Variants in SLC29A4 observed in about 807,000 individuals in gnomAD.
The protein encoded by SLC29A4 is solute carrier family 29 member 4, also known as equilibrative nucleoside transporter 4.
A neutral mutation model predicts 43.9 loss-of-function variants in SLC29A4; 36 were observed. The observed-to-expected ratio is 0.82, with a 90% CI of 0.63 to 1.08. The LOEUF (loss-of-function observed/expected upper bound fraction) is 1.08. SLC29A4 is among the 50% of genes least tolerant of loss of function. The pLI is 0.00. For missense variants in SLC29A4, 869 were observed against 755.3 expected (o/e 1.15, Z -1.77); for synonymous variants, 491 against 338.0 (o/e 1.45, Z -4.97).
chr7:5,284,507 C>G (rs1420179229), intron 1 of SLC29A4, among the ~76,000 whole-genome samples: 1 of 152,224 alleles, frequency 6.6e-6, no homozygotes, highest in Non-Finnish European at 1.5e-5. Context: ...CAAGGGGTCA[C>G]GGCAGCGCAG....
chr7:5,302,180 A>G (rs778517398), intron 10 of SLC29A4, among the ~76,000 whole-genome samples: 7 of 151,974 alleles, frequency 4.6e-5, no homozygotes, highest in Non-Finnish European at 1.0e-4. Context: ...CGAACTCCTA[A>G]CCTCAGGTGA....
intron 7 of SLC29A4, among the ~76,000 whole-genome samples, chr7:5,298,163 G>A (rs1371366504): frequency 2.6e-5 from 4 of 152,194 alleles, no homozygotes; most frequent in Non-Finnish European, 4.4e-5. Context: ...GCCCTTGGCT[G>A]GGGACGCTGA....
Position 5,292,403 on chromosome 7 carries a change from C to T in SLC29A4, c.544+582C>T, listed in dbSNP as rs554304215. Among the ~76,000 whole-genome samples, 30 of 152,262 alleles carry T rather than the reference C, an allele frequency of 2.0e-4. No individual in the cohort carries two copies. The East Asian group carries it at 3.3e-3, about 17-fold the overall frequency. On this transcript the variant is annotated intron_variant, in intron 5 of 10. Transcript: ENST00000396872. ...TGCTGGTATTACAGGCATGAGCCATCGTGCCTGGCCTTTCAAACTTTTTTT... is the reference window on the plus strand; with the variant it reads ...TGCTGGTATTACAGGCATGAGCCATTGTGCCTGGCCTTTCAAACTTTTTTT...
chr7:5,291,024 C>T (rs1785269704), intron 3 of SLC29A4, 100 bp from the exon 4 acceptor site: 51 of 1,537,214 alleles, frequency 3.3e-5, no homozygotes, highest in Non-Finnish European at 4.5e-5. Flanking sequence ...GCCACTCACC[C>T]TCTGTGGGCA....
chr7:5,303,249 G>C lies in SLC29A4; in HGVS notation c.*310G>C. The C allele has an allele frequency of 2.1e-6, 1 of 477,668 alleles. No homozygotes were observed. The highest frequency in any genetic ancestry group is 3.8e-6 in the Non-Finnish European group (1 of 263,900). The allele number at this position is 477,668 out of a possible 1,614,324, so 29.6% of individuals were successfully genotyped here. On this transcript the variant is annotated 3_prime_UTR_variant, in exon 11 of 11. Transcript: ENST00000396872. ...GCTCCAGCCCAGCCAGCACTCTGCA[G>C]GGTCACACGCACCGTGTCCCCACCC...
Position 5,302,988 on chromosome 7 carries a change from C to G in SLC29A4, c.*49C>G, listed in dbSNP as rs367580089. 2 of 1,570,716 alleles carry G rather than the reference C, an allele frequency of 1.3e-6. No individual in the cohort carries two copies. The highest frequency in any genetic ancestry group is 1.4e-5 in the African/African-American group (1 of 73,950). On this transcript the variant is annotated 3_prime_UTR_variant, in exon 11 of 11. Coordinates refer to ENST00000396872, the MANE Select transcript of SLC29A4 (RefSeq NM_153247.4). ...ACGCCGAGGGCCTGACCAGGGGCCC[C>G]GAGGCCTGAGGGCCCCTCCCCTGTC...
At chr7:5,288,902 C>T (rs1785132134) in intron 2 of SLC29A4, among the ~76,000 whole-genome samples, 1 of 152,134 alleles carries the variant, frequency 6.6e-6, no homozygotes, top group South Asian at 2.1e-4. Context: ...CCTTTACCCA[C>T]CAGGAGCCCC....
Position 5,286,535 on chromosome 7 carries a change from GA to G in SLC29A4, c.-8-1268del, listed in dbSNP as rs1395967660. On this transcript the variant is annotated intron_variant, in intron 1 of 10. Coordinates refer to ENST00000396872, the MANE Select transcript of SLC29A4 (RefSeq NM_153247.4). ...AAGACTCCATCTCAAAAAAAAAAAAGAAAAAAGAAAAAAATCATTTTAGGGG... is the reference window on the plus strand; with the variant it reads ...AAGACTCCATCTCAAAAAAAAAAAAGAAAAAGAAAAAAATCATTTTAGGGG... Among the ~76,000 whole-genome samples the G allele has an allele frequency of 2.7e-3, 394 of 146,860 alleles. 9 individuals carry two copies. Among genetic ancestry groups the G allele is most frequent in the African/African-American group, 9.6e-3 (373 of 39,032 alleles).
At chr7:5,284,032 A>ACCCCCCCCCCCCCCCC (rs79051188) in intron 1 of SLC29A4, among the ~76,000 whole-genome samples, 18 of 72,248 alleles carry the variant, frequency 2.5e-4, no homozygotes, top group African/African-American at 5.1e-4. Flanking sequence ...GAGCTGCACG[A>ACCCCCCCCCCCCCCCC]CCCCCCCCCC....
rs767706581 is a variant in SLC29A4 at position 5,302,804 on chromosome 7, C to T, written c.1458C>T (p.Thr486=). 5 of 1,558,770 alleles carry T rather than the reference C, an allele frequency of 3.2e-6. No homozygotes were observed. Among genetic ancestry groups the T allele is most frequent in the Non-Finnish European group, 4.3e-6 (5 of 1,151,572 alleles). Residue 486 remains threonine (T), a synonymous_variant, in exon 11 of 11, where the codon ACC becomes ACT. Transcript: ENST00000396872. ...GGCTGGTGTTGTCCACAGGGAACAC[C>T]ATGACCGTGTCCTACATGTCAGGGC... ...SPKQRELAGN[T]MTVSYMSGLT...
chr7:5,294,473 G>A (rs535005985), intron 5 of SLC29A4, among the ~76,000 whole-genome samples: 2 of 152,256 alleles, frequency 1.3e-5, no homozygotes, highest in East Asian at 1.9e-4. Flanking sequence ...TGTCTTCTCT[G>A]GAGGGTGAAG....
intron 1 of SLC29A4, among the ~76,000 whole-genome samples, chr7:5,287,164 G>A (rs1785006469): frequency 6.6e-6 from 1 of 152,188 alleles, no homozygotes; most frequent in South Asian, 2.1e-4. Context: ...AGTGGCTTAC[G>A]CCTGTAACCC....
At chr7:5,297,238 C>CAA in intron 7 of SLC29A4, 40 bp downstream of exon 7, 1 of 1,489,488 alleles carries the variant, frequency 6.7e-7, no homozygotes, top group Non-Finnish European at 8.9e-7. Flanking sequence ...TTCTCTGTCC[C>CAA]CTTCTCTGTC....
chr7:5,294,727 A>C lies in SLC29A4; in HGVS notation c.545-133A>C, dbSNP rs541344549. On this transcript the variant is annotated intron_variant, in intron 5 of 10. Coordinates refer to ENST00000396872, the MANE Select transcript of SLC29A4 (RefSeq NM_153247.4). ...CTGGTGTTCCTACTGCTGCGTGTCA[A>C]ATCTCTCTGCCATTAGTGGTGTTAA... The C allele has an allele frequency of 4.8e-5, 42 of 882,538 alleles. 1 individual carries two copies. The South Asian group carries it at 5.7e-4, about 12-fold the overall frequency. 54.7% of individuals were successfully genotyped at this position (882,538 alleles called of 1,614,324 possible). A position where few individuals can be genotyped will look rare whatever the true frequency, so the allele number is the denominator to read the frequency against.
At chr7:5,286,377 G>C (rs1784947594) in intron 1 of SLC29A4, among the ~76,000 whole-genome samples, 1 of 151,868 alleles carries the variant, frequency 6.6e-6, no homozygotes, top group Non-Finnish European at 1.5e-5. Context: ...ACAAAAATTA[G>C]CCGGGTGTGG....
chr7:5,296,766 G>T (rs867948361), intron 6 of SLC29A4, among the ~76,000 whole-genome samples, 170 bp from the exon 7 acceptor site: 2 of 129,642 alleles, frequency 1.5e-5, no homozygotes, highest in African/African-American at 3.4e-5. Context: ...GGGGCCTGTG[G>T]GTGGGGGCAG....
intron 1 of SLC29A4, 90 bp from the exon 2 acceptor site, chr7:5,287,719 C>T (rs375134305): frequency 2.3e-6 from 3 of 1,333,294 alleles, no homozygotes; most frequent in Non-Finnish European, 3.1e-6. Flanking sequence ...ACATGTGTCA[C>T]TCCAGGTAGA....
chr7:5,297,026 T>G lies in SLC29A4; in HGVS notation c.710T>G (p.Val237Gly), dbSNP rs1785732686. 1.2e-6 allele frequency: 2 copies of G among 1,606,498 alleles called. No homozygotes were observed. The highest frequency in any genetic ancestry group is 1.7e-6 in the Non-Finnish European group (2 of 1,179,734). Residue 237 changes from valine (V) to glycine (G), a missense_variant, in exon 7 of 11, where the codon GTG becomes GGG. By Grantham distance (109) the Val-to-Gly change is moderately radical. Transcript: ENST00000396872. ...GCCAGCACGCTCATCTTCTTCCTGG[T>G]GTCGGTGGCGCTGGAGCTGCTGTGT... Reference protein sequence around the residue: ...ERASTLIFFLVSVALELLCFL... With the variant: ...ERASTLIFFLGSVALELLCFL...
chr7:5,302,625 G>C (rs552693072), intron 10 of SLC29A4, among the ~76,000 whole-genome samples, 172 bp from the exon 11 acceptor site: 14 of 152,322 alleles, frequency 9.2e-5, no homozygotes, highest in African/African-American at 3.1e-4. Flanking sequence ...CGGGAAGAAG[G>C]AATGAGGAAG....
Sources: gnomAD v4.1 joint callset for allele counts (sites outside exome capture counted in the v4.1 genomes callset) on GRCh38, gnomAD v4.1.1 for gene constraint, MANE v1.5 for transcripts, NCBI Gene and HGNC (gene_info 2026-07-23, HGNC 2026-07-21) for gene names.